Variants in KCNMA1 observed in about 807,000 individuals in gnomAD.
The protein encoded by KCNMA1 is potassium calcium-activated channel subfamily M alpha 1.
KCNMA1 carries 29 observed loss-of-function variants against 140.0 expected under a neutral mutation model. That is an observed-to-expected ratio of 0.21 (90% CI 0.15 to 0.28). The LOEUF (loss-of-function observed/expected upper bound fraction) is 0.28, where lower values mean the gene tolerates loss of function less well. Ranked by LOEUF, KCNMA1 falls within the 10% of genes least tolerant of loss-of-function variation. The pLI, the probability that KCNMA1 is intolerant of heterozygous loss-of-function variation, is 1.00. For missense variants in KCNMA1, 880 were observed against 1,602.2 expected (o/e 0.55, Z 7.70); for synonymous variants, 612 against 611.9 (o/e 1.00, Z 0.00).
intron 19 of KCNMA1, chr10:76,995,486 T>C (rs953596779): frequency 2.2e-6 from 1 of 459,122 alleles, no homozygotes; most frequent in African/African-American, 2.0e-5. Context: ...ATCAGTACTT[T>C]ATTTCATACA....
At chr10:77,284,558 G>A (rs11596612) in intron 2 of KCNMA1, among the ~76,000 whole-genome samples, 51,773 of 151,640 alleles carry the variant, frequency 0.34, 9,570 homozygotes, top group East Asian at 0.49. Flanking sequence ...ATGTTGCCCA[G>A]GCTGGAGTGC....
intron 2 of KCNMA1, among the ~76,000 whole-genome samples, chr10:77,328,167 A>T (rs2084943660): frequency 1.3e-5 from 2 of 152,218 alleles, no homozygotes; most frequent in Admixed American, 1.3e-4. Context: ...GGAATTAAAC[A>T]AAACAATACA....
At chr10:77,017,627 C>T (rs999179564) in intron 17 of KCNMA1, among the ~76,000 whole-genome samples, 1 of 152,142 alleles carries the variant, frequency 6.6e-6, no homozygotes, top group African/African-American at 2.4e-5. Context: ...CTTCTGTAGC[C>T]AGTATGGCTT....
At chr10:77,419,228 A>G (rs1411662937) in intron 1 of KCNMA1, among the ~76,000 whole-genome samples, 1 of 152,154 alleles carries the variant, frequency 6.6e-6, no homozygotes, top group African/African-American at 2.4e-5. Flanking sequence ...GGATCTGCCA[A>G]CTGCAAGGAG....
intron 1 of KCNMA1, among the ~76,000 whole-genome samples, chr10:77,454,492 A>G (rs1275382734): frequency 6.6e-6 from 1 of 152,236 alleles, no homozygotes; most frequent in African/African-American, 2.4e-5. Context: ...TTCTCTGCCT[A>G]TAATTTTACA....
intron 14 of KCNMA1, among the ~76,000 whole-genome samples, chr10:77,052,413 T>G (rs1285342785): frequency 6.6e-6 from 1 of 152,164 alleles, no homozygotes; most frequent in East Asian, 1.9e-4. Flanking sequence ...TCACCCAGCC[T>G]GGCTTTCTGA....
At chr10:76,979,690 T>C (rs2078825727) in intron 19 of KCNMA1, 1 of 152,230 alleles carries the variant, frequency 6.6e-6, no homozygotes, top group Non-Finnish European at 1.5e-5. Flanking sequence ...ACTATTATTA[T>C]TAACATTATT....
intron 15 of KCNMA1, among the ~76,000 whole-genome samples, chr10:77,029,504 C>G (rs1357130351): frequency 2.6e-5 from 4 of 152,152 alleles, no homozygotes; most frequent in Admixed American, 2.6e-4. Context: ...TGGCAGGATA[C>G]CCTACATCTT....
At position 77,401,243 on chromosome 10, in the gene KCNMA1, G is replaced by A. The variant is rs182593150; in HGVS notation, c.540+2619C>T. ...AGCAGAGCCGCTCACTGCAAGTTCC[G>A]CCTCCTGGGTCCGTGCCATTATCCT... On this transcript the variant is annotated intron_variant, in intron 2 of 27. Transcript: ENST00000286628. Among the ~76,000 whole-genome samples the A allele has an allele frequency of 1.9e-3, 295 of 151,742 alleles. 1 individual carries two copies. Among genetic ancestry groups the A allele is most frequent in the Non-Finnish European group, 3.5e-3 (238 of 67,942 alleles).
At chr10:77,483,814 C>T (rs779132264) in intron 1 of KCNMA1, among the ~76,000 whole-genome samples, 1 of 152,190 alleles carries the variant, frequency 6.6e-6, no homozygotes, top group Non-Finnish European at 1.5e-5. Flanking sequence ...GGGGAGGAGG[C>T]AATTTATTTG....
At chr10:77,580,516 C>A (rs1282499798) in intron 1 of KCNMA1, among the ~76,000 whole-genome samples, 1 of 152,184 alleles carries the variant, frequency 6.6e-6, no homozygotes, top group Non-Finnish European at 1.5e-5. Context: ...AAAAACAGCT[C>A]CAATCTCTAC....
chr10:76,964,528 T>C lies in KCNMA1; in HGVS notation c.2360+5446A>G, dbSNP rs1355127368. Among the ~76,000 whole-genome samples the C allele has an allele frequency of 2.6e-5, 4 of 152,110 alleles. No homozygotes were observed. In the East Asian group the frequency reaches 7.8e-4, roughly 29 times the overall value. Reference sequence around the variant, plus strand: ...CATGACACCAACTACTTTTTTCTTCTCCAGTCCTGGGGGAGGCCTGTCATA... The same window carrying C: ...CATGACACCAACTACTTTTTTCTTCCCCAGTCCTGGGGGAGGCCTGTCATA... On this transcript the variant is annotated intron_variant, in intron 20 of 27. Transcript: ENST00000286628.
At chr10:77,552,900 T>C (rs947458680) in intron 1 of KCNMA1, among the ~76,000 whole-genome samples, 1 of 152,088 alleles carries the variant, frequency 6.6e-6, no homozygotes, top group African/African-American at 2.4e-5. Context: ...AATACAAAAA[T>C]TAGCCAGGCA....
chr10:77,228,268 T>A (rs1322079766), intron 3 of KCNMA1, among the ~76,000 whole-genome samples: 1 of 152,178 alleles, frequency 6.6e-6, no homozygotes, highest in African/African-American at 2.4e-5. Flanking sequence ...CCCGGCCTAA[T>A]TTAAAATATC....
At chr10:77,421,162 A>G (rs190163555) in intron 1 of KCNMA1, among the ~76,000 whole-genome samples, 6 of 152,324 alleles carry the variant, frequency 3.9e-5, no homozygotes, top group Admixed American at 6.5e-5. Flanking sequence ...CATTCCTTCA[A>G]TGAGCACTCC....
intron 2 of KCNMA1, among the ~76,000 whole-genome samples, chr10:77,282,562 T>C (rs1369773838): frequency 6.6e-6 from 1 of 152,186 alleles, no homozygotes; most frequent in Non-Finnish European, 1.5e-5. Context: ...GTTAAACTCA[T>C]AAACTGTGGG....
At chr10:77,493,937 A>G (rs1402049596) in intron 1 of KCNMA1, 1 of 152,192 alleles carries the variant, frequency 6.6e-6, no homozygotes, top group Non-Finnish European at 1.5e-5. Context: ...CCCCTGCAGA[A>G]TGAGAGTGAC....
intron 2 of KCNMA1, among the ~76,000 whole-genome samples, chr10:77,346,097 C>A (rs1002105467): frequency 7.9e-5 from 12 of 152,208 alleles, no homozygotes; most frequent in Non-Finnish European, 1.8e-4. Flanking sequence ...ACAGTGGAAT[C>A]TATGCTAGTC....
Position 77,465,896 on chromosome 10 carries a change from C to T in KCNMA1, c.379-61873G>A, listed in dbSNP as rs527439489. On this transcript the variant is annotated intron_variant, in intron 1 of 27. Coordinates refer to ENST00000286628, the MANE Select transcript of KCNMA1 (RefSeq NM_001161352.2). ...ACGCTTCCCGGGGCTGGGCAGTCCA[C>T]AACCTGCCTCAGCCTATGGAGACAC... 2.8e-4 allele frequency among the ~76,000 whole-genome samples: 42 copies of T among 152,298 alleles called. No homozygotes were observed. In the East Asian group the frequency reaches 7.7e-3, roughly 28 times the overall value.
Sources: allele counts gnomAD v4.1 joint callset (sites outside exome capture counted in the v4.1 genomes callset), GRCh38; gene constraint gnomAD v4.1.1; transcripts MANE v1.5; gene names NCBI Gene and HGNC (gene_info 2026-07-23, HGNC 2026-07-21).